DLG2: variants seen among roughly 807,000 people sequenced by gnomAD.
DLG2 encodes discs large MAGUK scaffold protein 2.
Under a neutral mutation model 132.5 loss-of-function variants are expected in DLG2, and 45 were observed. The ratio of observed to expected loss-of-function variants is 0.34; its 90% CI spans 0.27 to 0.44. The LOEUF is 0.44. Ranked by LOEUF, DLG2 falls within the 20% of genes least tolerant of loss-of-function variation. DLG2 has a pLI of 1.00. For missense variants in DLG2, 1,045 were observed against 1,196.9 expected, an observed-to-expected ratio of 0.87 and a Z score of 1.87; for synonymous variants, 424 against 419.6, an observed-to-expected ratio of 1.01 and a Z score of -0.13.
chr11:84,380,014 A>G (rs2098743718), intron 7 of DLG2, among the ~76,000 whole-genome samples: 1 of 152,062 alleles, frequency 6.6e-6, no homozygotes, highest in Admixed American at 6.6e-5. Flanking sequence ...AATCTATAAG[A>G]GAGTAGAGTT....
In DLG2 at chr11:84,474,379, C is replaced by T. The variant is rs78877870; in HGVS notation, c.519+60191G>A. Among the ~76,000 whole-genome samples, 835 of 152,152 alleles carry T rather than the reference C, an allele frequency of 5.5e-3. 7 individuals carry two copies. Among genetic ancestry groups the T allele is most frequent in the African/African-American group, 0.019 (773 of 41,540 alleles). The stretch of plus-strand genomic sequence containing the variant: ...TTTGATGATATTATTAAAAACTGTA[C>T]ATACTATGACACTTCGCATTTCTCT... On this transcript the variant is annotated intron_variant, in intron 7 of 27. Coordinates refer to ENST00000376104, the MANE Select transcript of DLG2 (RefSeq NM_001142699.3).
chr11:85,446,072 A>G (rs933209761), intron 3 of DLG2, among the ~76,000 whole-genome samples: 1 of 152,232 alleles, frequency 6.6e-6, no homozygotes, highest in African/African-American at 2.4e-5. Context: ...TAAGTAAAAG[A>G]GCAAATTTTA....
chr11:84,990,194 G>A (rs1357645403), intron 6 of DLG2, among the ~76,000 whole-genome samples: 2 of 152,138 alleles, frequency 1.3e-5, no homozygotes, highest in Admixed American at 1.3e-4. Flanking sequence ...ACTTCAACAG[G>A]TATTTTATCA....
At chr11:83,519,704 C>A (rs772210251) in intron 21 of DLG2, among the ~76,000 whole-genome samples, 61 of 152,144 alleles carry the variant, frequency 4.0e-4, no homozygotes, top group Non-Finnish European at 8.1e-4. Context: ...AAGTCAAATT[C>A]TTTATTTGCC....
At chr11:85,004,290 G>A (rs115978355) in intron 6 of DLG2, among the ~76,000 whole-genome samples, 2,719 of 152,180 alleles carry the variant, frequency 0.018, 54 homozygotes, top group African/African-American at 0.049. Flanking sequence ...TTGAAGAATC[G>A]CCAAACTGCC....
intron 4 of DLG2, among the ~76,000 whole-genome samples, chr11:85,258,984 TAG>T (rs1411935039): frequency 6.6e-6 from 1 of 152,202 alleles, no homozygotes; most frequent in African/African-American, 2.4e-5. Flanking sequence ...CTGAGCTTCA[TAG>T]AGAGTAAGGA....
At chr11:83,604,260 C>T (rs547412222) in intron 19 of DLG2, among the ~76,000 whole-genome samples, 1 of 152,300 alleles carries the variant, frequency 6.6e-6, no homozygotes, top group Non-Finnish European at 1.5e-5. Context: ...CAAACTGCTT[C>T]CTTTATTCAT....
intron 6 of DLG2, among the ~76,000 whole-genome samples, chr11:85,009,094 T>C (rs565653971): frequency 1.3e-5 from 2 of 152,080 alleles, no homozygotes; most frequent in Admixed American, 1.3e-4. Flanking sequence ...TTACAGGAGA[T>C]GAAACTAGAG....
intron 15 of DLG2, among the ~76,000 whole-genome samples, chr11:83,910,929 G>A (rs1565604662): frequency 6.6e-6 from 1 of 151,956 alleles, no homozygotes; most frequent in Non-Finnish European, 1.5e-5. Context: ...ATATTCAAGA[G>A]GTTTACATTA....
At chr11:83,938,255 G>A (rs1591439196) in intron 14 of DLG2, among the ~76,000 whole-genome samples, 1 of 152,182 alleles carries the variant, frequency 6.6e-6, no homozygotes, top group South Asian at 2.1e-4. Context: ...GGAAGTGAAA[G>A]CACCTAATTC....
At chr11:84,280,867 ATTTTTTTTTTTTTTT>A (rs35970331) in intron 7 of DLG2, among the ~76,000 whole-genome samples, 1 of 67,708 alleles carries the variant, frequency 1.5e-5, no homozygotes, top group African/African-American at 5.9e-5. Context: ...TGCCCAGCCA[ATTTTTTTTTTTTTTT>A]TTTTTTTTTT....
chr11:83,580,793 C>T (rs2096957424), intron 19 of DLG2, among the ~76,000 whole-genome samples: 1 of 141,754 alleles, frequency 7.1e-6, no homozygotes, highest in African/African-American at 2.7e-5. Context: ...AAAACTGGCC[C>T]TCCCTCCCTC....
rs189131260 is a variant in DLG2 at position 84,970,246 on chromosome 11, G to C, written c.357+141415C>G. Among the ~76,000 whole-genome samples, 303 of 152,082 alleles carry C rather than the reference G, an allele frequency of 2.0e-3. 1 individual carries two copies. Among genetic ancestry groups the C allele is most frequent in the Admixed American group, 3.0e-3 (46 of 15,250 alleles). On this transcript the variant is annotated intron_variant, in intron 6 of 27. Transcript: ENST00000376104. ...TAAGCCAAATTTTAAAGTAGTTGAA[G>C]ACAATCTCACCAGTTTATCTTTCAG...
chr11:83,705,283 A>G (rs2083720145), intron 18 of DLG2, among the ~76,000 whole-genome samples: 1 of 152,208 alleles, frequency 6.6e-6, no homozygotes, highest in Non-Finnish European at 1.5e-5. Flanking sequence ...TTGCCTAAAA[A>G]TCAACTTATT....
intron 15 of DLG2, among the ~76,000 whole-genome samples, chr11:83,910,352 G>A (rs984119768): frequency 2.0e-5 from 3 of 152,044 alleles, no homozygotes; most frequent in Non-Finnish European, 4.4e-5. Flanking sequence ...GAAAATATTC[G>A]ATTAATGGTC....
chr11:83,694,258 G>A (rs2081487419), intron 18 of DLG2, among the ~76,000 whole-genome samples: 1 of 152,152 alleles, frequency 6.6e-6, no homozygotes, highest in Non-Finnish European at 1.5e-5. Flanking sequence ...GGAGAATCTA[G>A]AAAGTCCAAA....
In DLG2 at chr11:85,620,601, C is replaced by T. The variant is rs184846777; in HGVS notation, c.-93+5986G>A. ...GAACACACGAATAATAAGAGAGACA[C>T]GCTTACTGTTGATATAGGGAAAGTT... On this transcript the variant is annotated intron_variant, in intron 2 of 27. Transcript: ENST00000376104. Among the ~76,000 whole-genome samples, 35 of 152,328 alleles carry T rather than the reference C, an allele frequency of 2.3e-4. No individual in the cohort carries two copies. In the East Asian group the frequency reaches 4.8e-3, roughly 21 times the overall value.
intron 6 of DLG2, among the ~76,000 whole-genome samples, chr11:85,033,104 C>A (rs1036490222): frequency 2.6e-5 from 4 of 152,166 alleles, no homozygotes; most frequent in Non-Finnish European, 5.9e-5. Context: ...AAGTTCCCAA[C>A]AGATAAAAAA....
chr11:83,459,914 T>C lies in DLG2; in HGVS notation c.2832A>G (p.Gln944=), dbSNP rs77262037. 2.6e-3 allele frequency: 4,109 copies of C among 1,580,268 alleles called. 96 individuals carry two copies. The African/African-American group carries it at 0.049, about 19-fold the overall frequency. The change falls in exon 28 of 28, where the codon CAA becomes CAG. Residue 944 remains glutamine (Q), a synonymous_variant. Coordinates refer to ENST00000376104, the MANE Select transcript of DLG2 (RefSeq NM_001142699.3). The part of the protein sequence containing the change: ...EFGEYFTAIV[Q]GDTLEDIYNQ... ...TATATATATCTTCTAAAGTATCTCC[T>C]TGGACAATAGCTGTAACAAAAGCAA...
Sources: gnomAD v4.1 joint callset for allele counts (sites outside exome capture counted in the v4.1 genomes callset) on GRCh38, gnomAD v4.1.1 for gene constraint, MANE v1.5 for transcripts, NCBI Gene and HGNC (gene_info 2026-07-23, HGNC 2026-07-21) for gene names.